Variants in CSGALNACT1 observed in about 807,000 individuals in gnomAD.
CSGALNACT1 encodes beta4GalNAcT-1.
In CSGALNACT1, 52 loss-of-function variants were observed where a neutral mutation model predicts 51.0. That is an observed-to-expected ratio of 1.02 (90% CI 0.82 to 1.29). The LOEUF (loss-of-function observed/expected upper bound fraction) is 1.29, where lower values mean the gene tolerates loss of function less well. CSGALNACT1 is among the 50% of genes most tolerant of loss of function. The pLI is 0.00. For synonymous variants in CSGALNACT1, 341 were observed against 254.4 expected, an observed-to-expected ratio of 1.34 and a Z score of -3.24; for missense variants, 935 against 679.2, an observed-to-expected ratio of 1.38 and a Z score of -4.19.
chr8:19,429,645 G>A (rs1403270637), intron 6 of CSGALNACT1, among the ~76,000 whole-genome samples: 1 of 152,138 alleles, frequency 6.6e-6, no homozygotes, highest in Non-Finnish European at 1.5e-5. Flanking sequence ...TATTTGAGTT[G>A]TTTCTACCTT....
intron 4 of CSGALNACT1, among the ~76,000 whole-genome samples, chr8:19,497,323 G>T (rs192820420): frequency 6.6e-6 from 1 of 152,108 alleles, no homozygotes; most frequent in Non-Finnish European, 1.5e-5. Flanking sequence ...TTGCAGGGCT[G>T]AACAGACAAT....
chr8:19,588,977 A>G (rs1418741764), intron 3 of CSGALNACT1, among the ~76,000 whole-genome samples: 1 of 152,218 alleles, frequency 6.6e-6, no homozygotes, highest in African/African-American at 2.4e-5. Context: ...TCTGGTTGAC[A>G]CAATCACTGA....
chr8:19,517,474 T>C (rs1473279063), intron 3 of CSGALNACT1, among the ~76,000 whole-genome samples: 1 of 152,072 alleles, frequency 6.6e-6, no homozygotes, highest in Non-Finnish European at 1.5e-5. Flanking sequence ...AGAATATCTC[T>C]AGAAGGGTTA....
At chr8:19,665,051 T>C (rs2154193089) in intron 1 of CSGALNACT1, among the ~76,000 whole-genome samples, 1 of 152,348 alleles carries the variant, frequency 6.6e-6, no homozygotes, top group South Asian at 2.1e-4. Flanking sequence ...TTCACTCTTG[T>C]TGCCCAGGCT....
At chr8:19,742,201 C>T (rs1429590205) in intron 1 of CSGALNACT1, among the ~76,000 whole-genome samples, 1 of 152,050 alleles carries the variant, frequency 6.6e-6, no homozygotes, top group African/African-American at 2.4e-5. Context: ...ATTTTATAGA[C>T]AAAACAACTG....
intron 8 of CSGALNACT1, among the ~76,000 whole-genome samples, chr8:19,409,715 G>C (rs78888026): frequency 0.015 from 2,283 of 152,170 alleles, 52 homozygotes; most frequent in African/African-American, 0.053. Context: ...TCCCCACTTG[G>C]ATTTGTATAG....
rs144278057 is a variant in CSGALNACT1 at position 19,473,083 on chromosome 8, G to A, written c.635-14441C>T. On this transcript the variant is annotated intron_variant, in intron 4 of 9. Coordinates refer to ENST00000454498, the Ensembl canonical transcript of CSGALNACT1. ...TAGCAAGTACTTCACTTGCTCTACC[G>A]GCATTAAATATGCTTGAAAGCAGAA... Among the ~76,000 whole-genome samples the A allele has an allele frequency of 3.4e-3, 523 of 152,096 alleles. 3 individuals are homozygous for A. The highest frequency in any genetic ancestry group is 0.012 in the African/African-American group (499 of 41,502).
chr8:19,608,253 C>T (rs1010063877), intron 1 of CSGALNACT1, among the ~76,000 whole-genome samples: 2 of 152,170 alleles, frequency 1.3e-5, no homozygotes, highest in East Asian at 3.9e-4. Flanking sequence ...GACACCTATA[C>T]GGGGCAGCCC....
intron 3 of CSGALNACT1, among the ~76,000 whole-genome samples, chr8:19,546,120 A>ACAGT: frequency 6.6e-6 from 1 of 152,176 alleles, no homozygotes; most frequent in East Asian, 1.9e-4. Flanking sequence ...TATATTTTAC[A>ACAGT]CAGTCAATTC....
chr8:19,507,528 GA>G (rs35759799), intron 3 of CSGALNACT1, among the ~76,000 whole-genome samples: 1,418 of 74,846 alleles, frequency 0.019, 32 homozygotes, highest in Admixed American at 0.1. Flanking sequence ...ATCTTAGCCA[GA>G]AAAAAAAAAA....
At chr8:19,567,011 T>C (rs2042031548) in intron 3 of CSGALNACT1, among the ~76,000 whole-genome samples, 2 of 152,172 alleles carry the variant, frequency 1.3e-5, no homozygotes, top group African/African-American at 2.4e-5. Context: ...GATAAGATAA[T>C]ATCCCCAATT....
intron 4 of CSGALNACT1, among the ~76,000 whole-genome samples, chr8:19,469,371 A>T (rs1410073248): frequency 6.6e-6 from 1 of 152,144 alleles, no homozygotes; most frequent in Admixed American, 6.5e-5. Context: ...AGCCTGGGTG[A>T]CAGAGCAACA....
chr8:19,639,758 A>G (rs1284225007), intron 1 of CSGALNACT1, among the ~76,000 whole-genome samples: 2 of 152,054 alleles, frequency 1.3e-5, no homozygotes, highest in East Asian at 3.9e-4. Flanking sequence ...GACCCGCTCC[A>G]TGTCATCATA....
At chr8:19,421,371 A>G (rs2057899172) in intron 6 of CSGALNACT1, among the ~76,000 whole-genome samples, 1 of 152,232 alleles carries the variant, frequency 6.6e-6, no homozygotes, top group Non-Finnish European at 1.5e-5. Flanking sequence ...ACCTTCTGAA[A>G]TGGGGCCTGT....
chr8:19,549,831 T>A (rs2087501094), intron 3 of CSGALNACT1, among the ~76,000 whole-genome samples: 1 of 152,090 alleles, frequency 6.6e-6, no homozygotes, highest in Non-Finnish European at 1.5e-5. Context: ...AGATTGGTGA[T>A]CATGTTCCCT....
intron 3 of CSGALNACT1, among the ~76,000 whole-genome samples, chr8:19,523,209 T>G (rs939480960): frequency 1.3e-5 from 2 of 152,110 alleles, no homozygotes; most frequent in Admixed American, 6.6e-5. Context: ...CCCACCTCGC[T>G]CTATAGGAAA....
chr8:19,745,459 C>G (rs529002014), intron 1 of CSGALNACT1, among the ~76,000 whole-genome samples: 76 of 152,272 alleles, frequency 5.0e-4, no homozygotes, highest in African/African-American at 1.8e-3. Flanking sequence ...ACTTGTGCCC[C>G]TAAAGAAACT....
chr8:19,514,256 T>C (rs7816777), intron 3 of CSGALNACT1, among the ~76,000 whole-genome samples: 97,477 of 150,968 alleles, frequency 0.65, 31,659 homozygotes, highest in East Asian at 0.84. Context: ...ATCTGAAGCC[T>C]TCTTCCCTGA....
intron 1 of CSGALNACT1, among the ~76,000 whole-genome samples, chr8:19,675,459 G>C (rs2060106395): frequency 1.3e-5 from 2 of 152,068 alleles, no homozygotes; most frequent in African/African-American, 2.4e-5. Context: ...AGAGAGGAGA[G>C]AGCTGGAGAG....
Sources: allele counts gnomAD v4.1 joint callset (sites outside exome capture counted in the v4.1 genomes callset), GRCh38; gene constraint gnomAD v4.1.1; transcripts MANE v1.5; gene names NCBI Gene and HGNC (gene_info 2026-07-23, HGNC 2026-07-21).